NAALADL2: variants seen among roughly 807,000 people sequenced by gnomAD.
NAALADL2 encodes the protein inactive N-acetylated-alpha-linked acidic dipeptidase-like protein 2.
A neutral mutation model predicts 87.2 loss-of-function variants in NAALADL2; 76 were observed. The ratio of observed to expected loss-of-function variants is 0.87; its 90% CI spans 0.72 to 1.05. NAALADL2 has a LOEUF of 1.05. Ranked by LOEUF, NAALADL2 falls within the 50% of genes least tolerant of loss-of-function variation. NAALADL2 has a pLI of 0.00. For synonymous variants in NAALADL2, 354 were observed against 331.0 expected (o/e 1.07, Z -0.75); for missense variants, 1,089 against 945.8 (o/e 1.15, Z -1.99).
chr3:174,852,823 G>A (rs1383527741), intron 3 of NAALADL2, among the ~76,000 whole-genome samples: 2 of 152,198 alleles, frequency 1.3e-5, no homozygotes, highest in Non-Finnish European at 2.9e-5. Context: ...ATACTATAAG[G>A]CTACAGCAAC....
chr3:175,644,340 A>C (rs1385877602), intron 11 of NAALADL2, among the ~76,000 whole-genome samples: 3 of 152,058 alleles, frequency 2.0e-5, no homozygotes, highest in Non-Finnish European at 4.4e-5. Flanking sequence ...TGAGGTTCTT[A>C]AATTCCTACC....
intron 10 of NAALADL2, among the ~76,000 whole-genome samples, chr3:175,599,661 T>G (rs1722692100): frequency 6.6e-6 from 1 of 152,184 alleles, no homozygotes; most frequent in African/African-American, 2.4e-5. Context: ...TTTTACTGTG[T>G]GAGTATGTGT....
intron 2 of NAALADL2, among the ~76,000 whole-genome samples, chr3:175,116,079 G>T (rs1257455700): frequency 6.6e-6 from 1 of 151,756 alleles, no homozygotes; most frequent in Non-Finnish European, 1.5e-5. Flanking sequence ...GATGGGACGT[G>T]TCTCAAACTA....
chr3:175,336,725 A>G (rs1487002265), intron 5 of NAALADL2, among the ~76,000 whole-genome samples: 1 of 152,136 alleles, frequency 6.6e-6, no homozygotes, highest in Non-Finnish European at 1.5e-5. Context: ...GAGTCTGGAA[A>G]ATCAGTGTAT....
chr3:175,698,439 T>G (rs182561236), intron 11 of NAALADL2, among the ~76,000 whole-genome samples: 2,032 of 128,034 alleles, frequency 0.016, 300 homozygotes, highest in Non-Finnish European at 0.024. Flanking sequence ...GTGTATATAT[T>G]TATGTATGTA....
chr3:174,764,430 T>A (rs1336036342), intron 3 of NAALADL2, among the ~76,000 whole-genome samples: 1 of 152,226 alleles, frequency 6.6e-6, no homozygotes, highest in East Asian at 1.9e-4. Context: ...GCCAATATGG[T>A]GAAACCCTGT....
chr3:175,216,290 G>A (rs1742509219), intron 2 of NAALADL2, among the ~76,000 whole-genome samples: 1 of 151,970 alleles, frequency 6.6e-6, no homozygotes, highest in African/African-American at 2.4e-5. Flanking sequence ...ACCAAATTTT[G>A]CTGTGGCCAT....
At chr3:174,836,519 G>A (rs1723342466) in intron 3 of NAALADL2, among the ~76,000 whole-genome samples, 1 of 151,970 alleles carries the variant, frequency 6.6e-6, no homozygotes, top group Non-Finnish European at 1.5e-5. Flanking sequence ...GGCTAACACG[G>A]TGAAACCCCT....
chr3:175,511,550 G>A (rs570079650), intron 9 of NAALADL2, among the ~76,000 whole-genome samples: 133 of 152,312 alleles, frequency 8.7e-4, no homozygotes, highest in Middle Eastern at 6.8e-3. Context: ...GATCTTGGAC[G>A]ACTAGTCTCC....
chr3:175,365,541 T>A lies in NAALADL2; in HGVS notation c.1090+41216T>A, dbSNP rs937733949. Among the ~76,000 whole-genome samples, 44 of 147,832 alleles carry A rather than the reference T, an allele frequency of 3.0e-4. 3 individuals are homozygous for A. The highest frequency in any genetic ancestry group is 2.6e-3 in the Admixed American group (37 of 14,368). On this transcript the variant is annotated intron_variant, in intron 5 of 13. Transcript: ENST00000454872. ...CATTATGACCCATTGTATACTTTGA[T>A]AAATTTATGTAAAATTAGATTTTGT...
At chr3:174,969,045 G>T (rs1369542035) in intron 1 of NAALADL2, among the ~76,000 whole-genome samples, 1 of 152,052 alleles carries the variant, frequency 6.6e-6, no homozygotes, top group Non-Finnish European at 1.5e-5. Flanking sequence ...ATAATTTCCC[G>T]AAGGTTATAT....
At chr3:175,103,729 A>T (rs1185415752) in intron 2 of NAALADL2, among the ~76,000 whole-genome samples, 1 of 152,182 alleles carries the variant, frequency 6.6e-6, no homozygotes, top group Non-Finnish European at 1.5e-5. Flanking sequence ...TCTTTTCTGG[A>T]AAGATAAATT....
intron 2 of NAALADL2, among the ~76,000 whole-genome samples, chr3:175,173,457 G>T (rs917232983): frequency 1.3e-5 from 2 of 152,044 alleles, no homozygotes; most frequent in Non-Finnish European, 1.5e-5. Context: ...AGCCAACGTC[G>T]TGCCACTGCA....
At chr3:174,463,802 G>A (rs575219286) in intron 1 of NAALADL2, among the ~76,000 whole-genome samples, 9 of 151,992 alleles carry the variant, frequency 5.9e-5, no homozygotes, top group East Asian at 1.9e-4. Context: ...CGATTTCACC[G>A]TGTTAGCCAG....
intron 3 of NAALADL2, among the ~76,000 whole-genome samples, chr3:174,791,903 T>C (rs1412106354): frequency 6.6e-6 from 1 of 152,072 alleles, no homozygotes; most frequent in Non-Finnish European, 1.5e-5. Flanking sequence ...CAATAAATAT[T>C]TGTTGAGTGA....
At chr3:174,626,755 T>C (rs1721617102) in intron 2 of NAALADL2, among the ~76,000 whole-genome samples, 1 of 152,034 alleles carries the variant, frequency 6.6e-6, no homozygotes, top group Non-Finnish European at 1.5e-5. Context: ...CTCTCTAGAA[T>C]TTATTTGGCT....
chr3:175,163,886 A>G (rs537891388), intron 2 of NAALADL2, among the ~76,000 whole-genome samples: 68 of 152,298 alleles, frequency 4.5e-4, no homozygotes, highest in South Asian at 2.3e-3. Context: ...AAAGACTGCT[A>G]GTTCTTGAGG....
At chr3:175,434,642 C>T (rs1718320557) in intron 5 of NAALADL2, among the ~76,000 whole-genome samples, 1 of 152,028 alleles carries the variant, frequency 6.6e-6, no homozygotes, top group Admixed American at 6.6e-5. Flanking sequence ...TTTATAACAA[C>T]AACAAGAACA....
intron 5 of NAALADL2, among the ~76,000 whole-genome samples, chr3:175,371,061 A>G (rs1379970574): frequency 1.3e-5 from 2 of 152,310 alleles, no homozygotes; most frequent in East Asian, 1.9e-4. Flanking sequence ...TTTGAACAGT[A>G]TGGAAAAAAA....
Sources: gnomAD v4.1 joint callset for allele counts (sites outside exome capture counted in the v4.1 genomes callset) on GRCh38, gnomAD v4.1.1 for gene constraint, MANE v1.5 for transcripts, NCBI Gene and HGNC (gene_info 2026-07-23, HGNC 2026-07-21) for gene names.